Variants in GPC6 observed in about 807,000 individuals in gnomAD.
GPC6 encodes the protein glypican 6.
In GPC6, 14 loss-of-function variants were observed where a neutral mutation model predicts 55.2. The observed-to-expected ratio is 0.25, with a 90% CI of 0.17 to 0.40. The LOEUF (loss-of-function observed/expected upper bound fraction) is 0.40. Among genes scored for constraint, GPC6 ranks in the 10% least tolerant of loss-of-function variants. The probability of loss-of-function intolerance (pLI) is 1.00; values close to 1 mark genes in which losing one functional copy is unlikely to be tolerated. For missense variants in GPC6, 641 were observed against 708.5 expected (o/e 0.90, Z 1.08); for synonymous variants, 278 against 259.6 (o/e 1.07, Z -0.68).
At position 94,171,956 on chromosome 13, in the gene GPC6, G is replaced by A. The variant is rs190409495; in HGVS notation, c.878-114393G>A. Among the ~76,000 whole-genome samples, 464 of 152,290 alleles carry A rather than the reference G, an allele frequency of 3.0e-3. 4 individuals carry two copies. Among genetic ancestry groups the A allele is most frequent in the African/African-American group, 0.011 (450 of 41,566 alleles). On this transcript the variant is annotated intron_variant, in intron 4 of 8. Coordinates refer to ENST00000377047, the MANE Select transcript of GPC6 (RefSeq NM_005708.5). The stretch of plus-strand genomic sequence containing the variant: ...AGGAGTGAAGCCCATAAACAATTGT[G>A]TTAAGTGCTGAAAACGTGGAATTGA...
chr13:93,492,481 A>G (rs1880058458), intron 1 of GPC6, among the ~76,000 whole-genome samples: 1 of 150,958 alleles, frequency 6.6e-6, no homozygotes, highest in South Asian at 2.1e-4. Flanking sequence ...GGACAATTTG[A>G]CTTCCTCTTT....
intron 1 of GPC6, among the ~76,000 whole-genome samples, chr13:93,370,756 T>C (rs1360488840): frequency 1.3e-5 from 2 of 152,194 alleles, no homozygotes; most frequent in African/African-American, 4.8e-5. Context: ...TAACTTAGAG[T>C]GTGGGAAAAC....
intron 1 of GPC6, among the ~76,000 whole-genome samples, chr13:93,304,427 C>T (rs1003813026): frequency 6.6e-6 from 1 of 152,274 alleles, no homozygotes; most frequent in Middle Eastern, 3.4e-3. Context: ...TCCAAAGGCC[C>T]TGCTCACAGT....
intron 2 of GPC6, among the ~76,000 whole-genome samples, chr13:93,554,819 G>A (rs554272005): frequency 2.0e-5 from 3 of 152,288 alleles, no homozygotes; most frequent in African/African-American, 7.2e-5. Context: ...AACTGTGCAT[G>A]GTCCACAGTG....
rs1329997380 is a variant in GPC6, at chr13:94,403,540, G to GT, written c.*323_*324insT. 2.1e-5 allele frequency: 6 copies of GT among 284,332 alleles called. No homozygotes were observed. The highest frequency in any genetic ancestry group is 1.8e-4 in the East Asian group (2 of 11,158). 17.6% of individuals were successfully genotyped at this position (284,332 alleles called of 1,614,324 possible). ...AAGTAAAGGAATCTCACGTTGTGAGGGTTTTTTTTTTCTCATTTAAAATAA... is the reference window on the plus strand; with the variant it reads ...AAGTAAAGGAATCTCACGTTGTGAGGTGTTTTTTTTTTCTCATTTAAAATAA... On this transcript the variant is annotated 3_prime_UTR_variant, in exon 9 of 9. Coordinates refer to ENST00000377047, the MANE Select transcript of GPC6 (RefSeq NM_005708.5).
At chr13:93,376,424 G>A (rs925615334) in intron 1 of GPC6, among the ~76,000 whole-genome samples, 1 of 152,124 alleles carries the variant, frequency 6.6e-6, no homozygotes, top group African/African-American at 2.4e-5. Flanking sequence ...GTGAAACAAA[G>A]TCAGGGTTTA....
chr13:94,223,002 A>C (rs1890432562), intron 4 of GPC6, among the ~76,000 whole-genome samples: 1 of 152,114 alleles, frequency 6.6e-6, no homozygotes, highest in African/African-American at 2.4e-5. Context: ...ATGCTAGGAA[A>C]CCCTTAAAAT....
intron 2 of GPC6, among the ~76,000 whole-genome samples, chr13:93,723,660 C>T (rs1234933737): frequency 6.6e-6 from 1 of 152,094 alleles, no homozygotes; most frequent in African/African-American, 2.4e-5. Context: ...TAGACTTCTT[C>T]ATCCACATCT....
At chr13:93,854,336 T>G (rs2139016954) in intron 3 of GPC6, among the ~76,000 whole-genome samples, 1 of 151,844 alleles carries the variant, frequency 6.6e-6, no homozygotes, top group African/African-American at 2.4e-5. Context: ...AAAAACTATT[T>G]TTTTCACGAT....
intron 2 of GPC6, among the ~76,000 whole-genome samples, chr13:93,762,801 ATGAT>A (rs1884995166): frequency 6.6e-6 from 1 of 152,214 alleles, no homozygotes; most frequent in Non-Finnish European, 1.5e-5. Context: ...TACTCGTTGA[ATGAT>A]TGGCGACCAT....
chr13:93,966,762 C>G (rs997634417), intron 3 of GPC6, among the ~76,000 whole-genome samples: 2 of 150,024 alleles, frequency 1.3e-5, no homozygotes, highest in African/African-American at 4.9e-5. Flanking sequence ...GCAATCCTCC[C>G]TCCTCAGCCT....
intron 2 of GPC6, among the ~76,000 whole-genome samples, chr13:93,561,837 C>T (rs140038964): frequency 2.0e-5 from 3 of 152,242 alleles, no homozygotes; most frequent in African/African-American, 7.2e-5. Context: ...AAAAATATGC[C>T]ATTTGCCTTC....
chr13:94,165,562 G>C (rs1888342073), intron 4 of GPC6, among the ~76,000 whole-genome samples: 1 of 151,928 alleles, frequency 6.6e-6, no homozygotes, highest in Non-Finnish European at 1.5e-5. Context: ...TAGGTGATGG[G>C]TGCACCAAAA....
At chr13:94,082,974 T>G (rs1017977588) in intron 4 of GPC6, among the ~76,000 whole-genome samples, 1 of 152,188 alleles carries the variant, frequency 6.6e-6, no homozygotes, top group Admixed American at 6.5e-5. Context: ...GAATGCTTAG[T>G]ATTGGCCATG....
At chr13:93,606,707 G>A (rs1325405755) in intron 2 of GPC6, among the ~76,000 whole-genome samples, 2 of 152,148 alleles carry the variant, frequency 1.3e-5, no homozygotes, top group African/African-American at 4.8e-5. Flanking sequence ...TGGATAGGAA[G>A]ATCAACTAGA....
At chr13:93,479,418 A>G (rs1338217996) in intron 1 of GPC6, among the ~76,000 whole-genome samples, 1 of 152,196 alleles carries the variant, frequency 6.6e-6, no homozygotes, top group African/African-American at 2.4e-5. Flanking sequence ...GATTGTATGT[A>G]GCTACAGAGG....
At chr13:93,938,071 A>C (rs1878530749) in intron 3 of GPC6, among the ~76,000 whole-genome samples, 1 of 133,100 alleles carries the variant, frequency 7.5e-6, no homozygotes, top group South Asian at 2.5e-4. Flanking sequence ...TATGATCTTA[A>C]TATTGGGAGC....
At chr13:93,675,073 C>CT (rs920484529) in intron 2 of GPC6, among the ~76,000 whole-genome samples, 1 of 152,090 alleles carries the variant, frequency 6.6e-6, no homozygotes. Flanking sequence ...ATATTGATAG[C>CT]TTTTTTCCCT....
At chr13:93,397,574 A>G (rs550446231) in intron 1 of GPC6, among the ~76,000 whole-genome samples, 1 of 152,252 alleles carries the variant, frequency 6.6e-6, no homozygotes, top group East Asian at 1.9e-4. Context: ...TGTACTTGTA[A>G]CCTCTTTTGC....
Sources: gnomAD v4.1 joint callset for allele counts (sites outside exome capture counted in the v4.1 genomes callset) on GRCh38, gnomAD v4.1.1 for gene constraint, MANE v1.5 for transcripts, NCBI Gene and HGNC (gene_info 2026-07-23, HGNC 2026-07-21) for gene names.